Variants in AK7 observed in about 807,000 individuals in gnomAD.
AK7 encodes the protein ATP-AMP transphosphorylase 7.
Under a neutral mutation model 96.6 loss-of-function variants are expected in AK7, and 78 were observed. The ratio of observed to expected loss-of-function variants is 0.81; its 90% CI spans 0.67 to 0.97. AK7 has a LOEUF of 0.97. Ranked by LOEUF, AK7 falls within the 50% of genes least tolerant of loss-of-function variation. AK7 has a pLI of 0.00. For missense variants in AK7, 855 were observed against 887.9 expected, an observed-to-expected ratio of 0.96 and a Z score of 0.47; for synonymous variants, 302 against 317.2, an observed-to-expected ratio of 0.95 and a Z score of 0.51.
chr14:96,442,819 G>C lies in AK7; in HGVS notation c.779+1G>C. On this transcript the variant is annotated splice_donor_variant, in intron 7 of 17. Transcript: ENST00000267584. LOFTEE classifies it high-confidence loss of function. ...CAATCCATGTTCTTGATCTAGCAGG[G>C]TAAGCATTCGCCCAGAGACGTGACC... is the stretch of plus-strand genomic sequence containing the variant. 6.2e-7 allele frequency: 1 copy of C among 1,613,098 alleles called. No individual in the cohort carries two copies. The highest frequency in any genetic ancestry group is 1.1e-5 in the South Asian group (1 of 91,056).
At chr14:96,407,078 G>A (rs926551462) in intron 3 of AK7, among the ~76,000 whole-genome samples, 1 of 152,210 alleles carries the variant, frequency 6.6e-6, no homozygotes, top group African/African-American at 2.4e-5. Context: ...TGACAGAAGA[G>A]AAAGGAATAC....
chr14:96,458,106 T>C lies in AK7; in HGVS notation c.1251T>C (p.Asp417=), dbSNP rs757770480. The C allele has an allele frequency of 1.2e-6, 2 of 1,613,262 alleles. No homozygotes were observed. The highest frequency in any genetic ancestry group is 2.2e-5 in the East Asian group (1 of 44,848). Residue 417 remains aspartate (D), a synonymous_variant, in exon 12 of 18, where the codon GAT becomes GAC. Transcript: ENST00000267584. ...AGGAGGCGATTGTTGCCCCTAACGA[T>C]GTAGGGGAAGGAGAAGAAGAAGTCG... ...AKLEAIVAPN[D]VGEGEEEVEE...
intron 6 of AK7, among the ~76,000 whole-genome samples, chr14:96,438,165 A>G (rs1361615094): frequency 1.3e-5 from 2 of 152,224 alleles, no homozygotes; most frequent in Non-Finnish European, 2.9e-5. Flanking sequence ...TGTAGTGCCC[A>G]TCAGGTGCTG....
chr14:96,434,420 C>T (rs989987058), intron 5 of AK7, among the ~76,000 whole-genome samples: 2 of 93,758 alleles, frequency 2.1e-5, no homozygotes, highest in Admixed American at 1.2e-4. Flanking sequence ...CTCTGTCTGT[C>T]TGTCTCTCTC....
rs1325639922 is a variant in AK7 at position 96,451,528 on chromosome 14, C to G, written c.1056C>G (p.Ile352Met). The G allele has an allele frequency of 6.3e-7, 1 of 1,594,438 alleles. No individual in the cohort carries two copies. Among genetic ancestry groups the G allele is most frequent in the Non-Finnish European group, 8.6e-7 (1 of 1,169,190 alleles). ...WAAQTGFVEN[I>M]NTILKEYKQS... is the part of the protein sequence containing the mutation. ...CCCAAACAGGATTTGTGGAAAATAT[C>G]AACACTATCCTCAAGGAGTACAAGC... Residue 352 changes from isoleucine (I) to methionine (M), a missense_variant, in exon 10 of 18, where the codon ATC becomes ATG. Ile to Met is a conservative substitution (Grantham distance 10, BLOSUM62 1). Coordinates refer to ENST00000267584, the MANE Select transcript of AK7 (RefSeq NM_152327.5).
At chr14:96,447,213 G>A (rs1893288469) in intron 8 of AK7, among the ~76,000 whole-genome samples, 1 of 152,156 alleles carries the variant, frequency 6.6e-6, no homozygotes, top group South Asian at 2.1e-4. Context: ...ACCAGAATAC[G>A]AAAATCCGCC....
intron 12 of AK7, among the ~76,000 whole-genome samples, chr14:96,470,919 G>A (rs1369944762): frequency 6.6e-6 from 1 of 152,150 alleles, no homozygotes; most frequent in Non-Finnish European, 1.5e-5. Flanking sequence ...ACCAAAAATT[G>A]GGATTACAGA....
intron 11 of AK7, among the ~76,000 whole-genome samples, chr14:96,457,297 G>A (rs937746137): frequency 2.0e-5 from 3 of 152,092 alleles, no homozygotes; most frequent in African/African-American, 7.2e-5. Context: ...CTGAGCTCAG[G>A]TGATCCGCCC....
intron 9 of AK7, 74 bp from the exon 10 acceptor site, chr14:96,451,347 A>G: frequency 7.8e-7 from 1 of 1,281,202 alleles, no homozygotes; most frequent in Non-Finnish European, 1.1e-6. Flanking sequence ...TAATAACTGT[A>G]GTGATTTTGG....
intron 6 of AK7, among the ~76,000 whole-genome samples, chr14:96,440,142 A>C (rs2140088400): frequency 6.6e-6 from 1 of 151,866 alleles, no homozygotes; most frequent in South Asian, 2.1e-4. Flanking sequence ...TGCCCAGCTA[A>C]TTTTTGTATT....
chr14:96,396,281 AT>A lies in AK7; in HGVS notation c.106-1792del, dbSNP rs149003861. 3.1e-3 allele frequency among the ~76,000 whole-genome samples: 473 copies of A among 152,266 alleles called. 10 individuals are homozygous for A. Among genetic ancestry groups the A allele is most frequent in the East Asian group, 0.018 (94 of 5,190 alleles). On this transcript the variant is annotated intron_variant, in intron 1 of 17. Coordinates refer to ENST00000267584, the MANE Select transcript of AK7 (RefSeq NM_152327.5). ...CTTAATTAATTAGGGCCTTTCTCAA[AT>A]TCCAGGTAATTACTGATCATCTGCT...
chr14:96,429,419 T>C (rs1892214377), intron 5 of AK7, among the ~76,000 whole-genome samples: 1 of 152,202 alleles, frequency 6.6e-6, no homozygotes, highest in East Asian at 1.9e-4. Context: ...TTGTTCTTTT[T>C]GCTTACGATT....
chr14:96,421,602 C>T (rs1891695052), intron 5 of AK7: 2 of 151,186 alleles, frequency 1.3e-5, no homozygotes, highest in Admixed American at 1.3e-4. Context: ...AAGACATTCT[C>T]GTAGCTTTTT....
At chr14:96,415,696 T>A (rs1002067635) in intron 4 of AK7, among the ~76,000 whole-genome samples, 4 of 148,922 alleles carry the variant, frequency 2.7e-5, no homozygotes, top group Non-Finnish European at 5.9e-5. Flanking sequence ...TTGTTACAAA[T>A]GAAGGGTAAA....
At chr14:96,466,009 CAAA>C (rs528356355) in intron 12 of AK7, among the ~76,000 whole-genome samples, 5 of 107,808 alleles carry the variant, frequency 4.6e-5, no homozygotes, top group Admixed American at 1.0e-4. Flanking sequence ...GACTCCATCT[CAAA>C]AAAAAAAAAA....
rs376950152 is a variant in AK7, at chr14:96,423,656, C to A, written c.609+2724C>A. The A allele has an allele frequency of 4.8e-5, 30 of 625,674 alleles. No individual in the cohort carries two copies. The East Asian group carries it at 1.0e-3, about 22-fold the overall frequency. The allele number at this position is 625,674 out of a possible 1,614,324, so 38.8% of individuals were successfully genotyped here. A position where few individuals can be genotyped will look rare whatever the true frequency, so the allele number is the denominator to read the frequency against. On this transcript the variant is annotated intron_variant, in intron 5 of 17. Transcript: ENST00000267584. Reference sequence around the variant, plus strand: ...CAGCACTGAACTGGAGAACACAGCTCGGGGCCTCCAGGACGGTTCAGGTCG... The same window carrying A: ...CAGCACTGAACTGGAGAACACAGCTAGGGGCCTCCAGGACGGTTCAGGTCG...
chr14:96,453,525 G>A (rs555640990), intron 10 of AK7, among the ~76,000 whole-genome samples: 2 of 152,186 alleles, frequency 1.3e-5, no homozygotes, highest in African/African-American at 4.8e-5. Context: ...TTGCGTGATC[G>A]CAGTTCCTTT....
At chr14:96,404,959 C>T in intron 3 of AK7, 94 bp downstream of exon 3, 2 of 792,448 alleles carry the variant, frequency 2.5e-6, no homozygotes, top group Non-Finnish European at 3.8e-6. Context: ...CAAAGTAGGG[C>T]TATAGAAAAA....
In AK7 at chr14:96,404,785, G is replaced by A. The variant is rs373883064; in HGVS notation, c.323G>A (p.Arg108His). 2.7e-5 allele frequency: 44 copies of A among 1,608,122 alleles called. No individual in the cohort carries two copies. The highest frequency in any genetic ancestry group is 1.9e-4 in the South Asian group (17 of 90,734). Residue 108 changes from arginine (R) to histidine (H), a missense_variant, in exon 3 of 18, where the codon CGC becomes CAC. Physicochemically the swap from Arg to His is conservative, Grantham distance 29. Coordinates refer to ENST00000267584, the MANE Select transcript of AK7 (RefSeq NM_152327.5). The stretch of plus-strand genomic sequence containing the variant: ...ATCTCTCGAGAAGACCTTCTCATGC[G>A]CCTGCTGGAGTGTGATGTTATTATT... Reference protein sequence around the residue: ...SAISREDLLMRLLECDVIIYN... With the variant: ...SAISREDLLMHLLECDVIIYN...
Sources: allele counts gnomAD v4.1 joint callset (sites outside exome capture counted in the v4.1 genomes callset), GRCh38; gene constraint gnomAD v4.1.1; transcripts MANE v1.5; gene names NCBI Gene and HGNC (gene_info 2026-07-23, HGNC 2026-07-21).